PCCA: variants seen among roughly 807,000 people sequenced by gnomAD.
The protein encoded by PCCA is propionyl-CoA carboxylase alpha chain, mitochondrial.
A neutral mutation model predicts 101.3 loss-of-function variants in PCCA; 74 were observed. The ratio of observed to expected loss-of-function variants is 0.73; its 90% CI spans 0.61 to 0.89. PCCA has a LOEUF of 0.89. Ranked by LOEUF, PCCA falls within the 40% of genes least tolerant of loss-of-function variation. The pLI, the probability that PCCA is intolerant of heterozygous loss-of-function variation, is 0.00. For synonymous variants in PCCA, 294 were observed against 313.6 expected (o/e 0.94, Z 0.66); for missense variants, 891 against 907.0 (o/e 0.98, Z 0.23).
chr13:100,516,088 C>T (rs980800997), intron 22 of PCCA, among the ~76,000 whole-genome samples: 9 of 152,160 alleles, frequency 5.9e-5, no homozygotes, highest in African/African-American at 2.2e-4. Context: ...GATCTTGTGA[C>T]ATTAAAGCAC....
intron 21 of PCCA, among the ~76,000 whole-genome samples, chr13:100,482,426 G>C (rs1253193347): frequency 6.6e-6 from 1 of 152,178 alleles, no homozygotes; most frequent in Admixed American, 6.5e-5. Context: ...GAGATCAGGG[G>C]CTCCAGTGAA....
At chr13:100,126,767 T>C (rs1388536892) in intron 4 of PCCA, among the ~76,000 whole-genome samples, 3 of 152,218 alleles carry the variant, frequency 2.0e-5, no homozygotes, top group Admixed American at 2.0e-4. Context: ...TAGGCAAATT[T>C]AAAGAGTTAT....
At chr13:100,470,660 TAAAAATA>T (rs1167868788) in intron 21 of PCCA, among the ~76,000 whole-genome samples, 1 of 151,700 alleles carries the variant, frequency 6.6e-6, no homozygotes, top group Non-Finnish European at 1.5e-5. Context: ...TGCAAAAAAA[TAAAAATA>T]AAAAATAAAA....
intron 16 of PCCA, among the ~76,000 whole-genome samples, chr13:100,312,147 A>G (rs1176724651): frequency 1.3e-5 from 2 of 152,236 alleles, no homozygotes; most frequent in Non-Finnish European, 2.9e-5. Flanking sequence ...AGCAAGTGAT[A>G]CTATCCCTGA....
intron 21 of PCCA, among the ~76,000 whole-genome samples, chr13:100,452,444 A>T (rs2081397772): frequency 6.6e-6 from 1 of 152,064 alleles, no homozygotes; most frequent in African/African-American, 2.4e-5. Context: ...TCTTCTTCAG[A>T]CCTGCTGGGC....
At chr13:100,452,313 T>A (rs920922058) in intron 21 of PCCA, among the ~76,000 whole-genome samples, 7 of 151,928 alleles carry the variant, frequency 4.6e-5, no homozygotes, top group African/African-American at 1.7e-4. Flanking sequence ...CCTTTAGCCA[T>A]CTCTTGTTTG....
chr13:100,171,704 A>G (rs1207047801), intron 6 of PCCA, among the ~76,000 whole-genome samples: 2 of 152,166 alleles, frequency 1.3e-5, no homozygotes, highest in Admixed American at 6.5e-5. Context: ...GCCTGGGCAC[A>G]TAGGAAAACC....
intron 18 of PCCA, among the ~76,000 whole-genome samples, chr13:100,351,658 C>A (rs2073283313): frequency 6.6e-6 from 1 of 152,126 alleles, no homozygotes; most frequent in African/African-American, 2.4e-5. Flanking sequence ...CCAGTGTGGG[C>A]ATTGTGTGCT....
At chr13:100,128,098 T>C (rs1290723069) in intron 4 of PCCA, among the ~76,000 whole-genome samples, 1 of 152,264 alleles carries the variant, frequency 6.6e-6, no homozygotes, top group East Asian at 1.9e-4. Flanking sequence ...TACATAAGGA[T>C]TGAATTACTG....
intron 4 of PCCA, among the ~76,000 whole-genome samples, chr13:100,116,606 T>C (rs2048822278): frequency 6.6e-6 from 1 of 152,150 alleles, no homozygotes; most frequent in South Asian, 2.1e-4. Context: ...AGCTGGCCAA[T>C]TACCCCCCTT....
chr13:100,150,466 CAA>C, intron 4 of PCCA: 1 of 1,071,154 alleles, frequency 9.3e-7, no homozygotes, highest in Non-Finnish European at 1.2e-6. Context: ...ATGAATTTTA[CAA>C]ACTTTACTTA....
At chr13:100,365,420 G>T (rs1207450471) in intron 18 of PCCA, among the ~76,000 whole-genome samples, 2 of 152,174 alleles carry the variant, frequency 1.3e-5, no homozygotes, top group East Asian at 3.8e-4. Context: ...ATGGGTTCTG[G>T]GTTGGAACAG....
intron 8 of PCCA, among the ~76,000 whole-genome samples, chr13:100,238,799 TTTA>T (rs1213740861): frequency 6.6e-6 from 1 of 152,222 alleles, no homozygotes; most frequent in Admixed American, 6.5e-5. Flanking sequence ...TACTACTGAT[TTTA>T]TTGAGATATA....
intron 21 of PCCA, chr13:100,473,344 T>C (rs1454841281): frequency 1.3e-5 from 2 of 152,218 alleles, no homozygotes; most frequent in East Asian, 3.9e-4. Flanking sequence ...ACCCAAACGA[T>C]GTCAAACTAC....
intron 5 of PCCA, among the ~76,000 whole-genome samples, chr13:100,155,697 A>G (rs560967807): frequency 6.6e-6 from 1 of 152,170 alleles, no homozygotes; most frequent in African/African-American, 2.4e-5. Flanking sequence ...TCTTTTTTTA[A>G]TTATCAGAAC....
intron 6 of PCCA, among the ~76,000 whole-genome samples, chr13:100,171,850 G>A (rs2055690453): frequency 6.6e-6 from 1 of 152,034 alleles, no homozygotes; most frequent in Non-Finnish European, 1.5e-5. Flanking sequence ...GGCTAACACG[G>A]TGAAACCCTG....
At chr13:100,228,413 A>T (rs2893018) in intron 7 of PCCA, among the ~76,000 whole-genome samples, 24,113 of 152,080 alleles carry the variant, frequency 0.16, 2,056 homozygotes, top group African/African-American at 0.18. Context: ...TTATGTTAAC[A>T]GAGTTTATTG....
At chr13:100,481,147 T>C (rs1184229377) in intron 21 of PCCA, 1 of 151,530 alleles carries the variant, frequency 6.6e-6, no homozygotes, top group Non-Finnish European at 1.5e-5. Flanking sequence ...TCAGCATACT[T>C]TTTTTTTTCT....
At chr13:100,358,929 C>T (rs2074243234) in intron 18 of PCCA, among the ~76,000 whole-genome samples, 1 of 152,036 alleles carries the variant, frequency 6.6e-6, no homozygotes, top group Non-Finnish European at 1.5e-5. Context: ...AACCCTGTCT[C>T]TACTAAAAAT....
Sources: allele counts gnomAD v4.1 joint callset (sites outside exome capture counted in the v4.1 genomes callset), GRCh38; gene constraint gnomAD v4.1.1; transcripts MANE v1.5; gene names NCBI Gene and HGNC (gene_info 2026-07-23, HGNC 2026-07-21).